The following VAT1L variants were observed in gnomAD, a reference collection of about 807,000 sequenced individuals.
VAT1L encodes putative NADPH-dependent quinone oxidoreductase VAT1L.
In VAT1L, 34 loss-of-function variants were observed where a neutral mutation model predicts 44.1. The observed-to-expected ratio is 0.77, with a 90% CI of 0.59 to 1.03. The LOEUF is 1.03. VAT1L is among the 50% of genes least tolerant of loss of function. The probability of loss-of-function intolerance (pLI) is 0.00; values close to 1 mark genes in which losing one functional copy is unlikely to be tolerated. For missense variants in VAT1L, 615 were observed against 538.8 expected (o/e 1.14, Z -1.40); for synonymous variants, 253 against 202.2 (o/e 1.25, Z -2.13).
At chr16:77,811,865 A>G (rs1217840465) in intron 1 of VAT1L, among the ~76,000 whole-genome samples, 1 of 152,154 alleles carries the variant, frequency 6.6e-6, no homozygotes, top group African/African-American at 2.4e-5. Flanking sequence ...CAAGACCACC[A>G]AGCGTCTCTT....
chr16:77,926,370 G>T (rs941914442), intron 7 of VAT1L, among the ~76,000 whole-genome samples: 1 of 151,944 alleles, frequency 6.6e-6, no homozygotes, highest in Non-Finnish European at 1.5e-5. Flanking sequence ...ATCGCCTAAG[G>T]ACAGGTGTTT....
intron 7 of VAT1L, among the ~76,000 whole-genome samples, chr16:77,962,727 GGAAA>G (rs2018174656): frequency 7.7e-6 from 1 of 129,370 alleles, no homozygotes; most frequent in East Asian, 2.3e-4. Flanking sequence ...TACAAAAGAA[GGAAA>G]GAAGGAAAGA....
intron 7 of VAT1L, among the ~76,000 whole-genome samples, chr16:77,941,753 AT>A (rs955700550): frequency 6.6e-6 from 1 of 151,888 alleles, no homozygotes; most frequent in Non-Finnish European, 1.5e-5. Flanking sequence ...AGCCTGGCTG[AT>A]TTTTTTGTAT....
In VAT1L at chr16:77,964,220, A is replaced by G. The variant is rs112934565; in HGVS notation, c.1078-7630A>G. On this transcript the variant is annotated intron_variant, in intron 7 of 8. Coordinates refer to ENST00000302536, the MANE Select transcript of VAT1L (RefSeq NM_020927.3). Reference sequence around the variant, plus strand: ...TCTCACCCATCACCTCCTTAAACCCACCTACATTAGTGTCCTGTAAGCTGC... The same window carrying G: ...TCTCACCCATCACCTCCTTAAACCCGCCTACATTAGTGTCCTGTAAGCTGC... Among the ~76,000 whole-genome samples, 1,012 of 152,044 alleles carry G rather than the reference A, an allele frequency of 6.7e-3. 13 individuals are homozygous for G. The highest frequency in any genetic ancestry group is 0.023 in the African/African-American group (951 of 41,466).
chr16:77,794,828 T>A (rs993523205), intron 1 of VAT1L, among the ~76,000 whole-genome samples: 2 of 152,178 alleles, frequency 1.3e-5, no homozygotes, highest in African/African-American at 4.8e-5. Flanking sequence ...CATTTGATGA[T>A]GAGAAAGAAC....
chr16:77,816,194 T>G (rs576181009), intron 1 of VAT1L, among the ~76,000 whole-genome samples: 150 of 152,262 alleles, frequency 9.9e-4, no homozygotes, highest in Non-Finnish European at 1.8e-3. Flanking sequence ...AATAACTTTC[T>G]TATTCCAAAA....
At chr16:77,864,961 C>G (rs1349883365) in intron 4 of VAT1L, among the ~76,000 whole-genome samples, 1 of 140,122 alleles carries the variant, frequency 7.1e-6, no homozygotes, top group Non-Finnish European at 1.5e-5. Flanking sequence ...GGTAATTCTT[C>G]TTATCCTTTT....
chr16:77,908,280 T>A (rs554837076), intron 7 of VAT1L, among the ~76,000 whole-genome samples: 1 of 148,842 alleles, frequency 6.7e-6, no homozygotes, highest in East Asian at 2.0e-4. Context: ...ACTGACATGG[T>A]GAAATTCCGT....
chr16:77,900,500 G>C (rs988374329), intron 7 of VAT1L, among the ~76,000 whole-genome samples: 10 of 151,922 alleles, frequency 6.6e-5, no homozygotes, highest in African/African-American at 2.4e-4. Context: ...TTTGAGACCA[G>C]CCTGGGCAAC....
intron 7 of VAT1L, among the ~76,000 whole-genome samples, chr16:77,962,353 C>G (rs1036322760): frequency 2.0e-5 from 3 of 152,116 alleles, no homozygotes; most frequent in Non-Finnish European, 4.4e-5. Flanking sequence ...TTGGGGGAGA[C>G]TTTGCTTTGC....
chr16:77,858,681 C>G (rs866945482), intron 3 of VAT1L, among the ~76,000 whole-genome samples: 4 of 152,130 alleles, frequency 2.6e-5, no homozygotes, highest in Non-Finnish European at 5.9e-5. Context: ...GACATCTAAC[C>G]TCTGTAAACC....
At chr16:77,816,496 G>C (rs976191865) in intron 1 of VAT1L, among the ~76,000 whole-genome samples, 1 of 152,152 alleles carries the variant, frequency 6.6e-6, no homozygotes, top group Admixed American at 6.6e-5. Flanking sequence ...GTGGCCATTA[G>C]GTCTGGCTGC....
chr16:77,815,110 C>T (rs1199087867), intron 1 of VAT1L, among the ~76,000 whole-genome samples: 2 of 152,098 alleles, frequency 1.3e-5, no homozygotes, highest in Non-Finnish European at 2.9e-5. Context: ...GATTTGTACC[C>T]CAGTCTCCCC....
At chr16:77,959,439 T>A (rs903594151) in intron 7 of VAT1L, among the ~76,000 whole-genome samples, 6 of 152,258 alleles carry the variant, frequency 3.9e-5, no homozygotes, top group Non-Finnish European at 8.8e-5. Flanking sequence ...AGATGGATAT[T>A]GTTAATATGA....
intron 4 of VAT1L, among the ~76,000 whole-genome samples, chr16:77,870,417 A>C (rs2017019244): frequency 6.6e-6 from 1 of 152,240 alleles, no homozygotes; most frequent in Admixed American, 6.5e-5. Flanking sequence ...GTCACCATAA[A>C]GAGGAATACT....
chr16:77,893,437 A>C (rs183268848), intron 7 of VAT1L, among the ~76,000 whole-genome samples: 18 of 152,362 alleles, frequency 1.2e-4, no homozygotes, highest in East Asian at 1.2e-3. Context: ...AGGGATAGAC[A>C]CTGGTGTGAA....
At chr16:77,961,416 C>T (rs778809930) in intron 7 of VAT1L, among the ~76,000 whole-genome samples, 95 of 152,288 alleles carry the variant, frequency 6.2e-4, no homozygotes, top group Admixed American at 8.5e-4. Context: ...CCTTGCCCTA[C>T]TCCTGGCTCT....
intron 4 of VAT1L, among the ~76,000 whole-genome samples, chr16:77,875,666 T>C (rs2017080190): frequency 1.3e-5 from 2 of 152,242 alleles, no homozygotes; most frequent in Admixed American, 6.5e-5. Context: ...CTTTGTCTAA[T>C]GCAGTACAAA....
intron 1 of VAT1L, among the ~76,000 whole-genome samples, chr16:77,811,723 C>A (rs562487065): frequency 2.8e-4 from 43 of 152,240 alleles, no homozygotes; most frequent in Non-Finnish European, 5.6e-4. Flanking sequence ...ATAAAGGCAC[C>A]TAACCATCTC....
Sources: gnomAD v4.1 joint callset for allele counts (sites outside exome capture counted in the v4.1 genomes callset) on GRCh38, gnomAD v4.1.1 for gene constraint, MANE v1.5 for transcripts, NCBI Gene and HGNC (gene_info 2026-07-23, HGNC 2026-07-21) for gene names.